ST18: variants seen among roughly 807,000 people sequenced by gnomAD.
The protein encoded by ST18 is suppression of tumorigenicity 18 protein.
ST18 carries 50 observed loss-of-function variants against 110.0 expected under a neutral mutation model. The ratio of observed to expected loss-of-function variants is 0.45; its 90% CI spans 0.36 to 0.58. ST18 has a LOEUF of 0.58. Ranked by LOEUF, ST18 falls within the 20% of genes least tolerant of loss-of-function variation. The pLI is 0.00. For synonymous variants in ST18, 461 were observed against 452.4 expected (o/e 1.02, Z -0.24); for missense variants, 1,306 against 1,280.1 (o/e 1.02, Z -0.31).
At chr8:52,115,677 T>G (rs2042270105) in intron 25 of ST18, among the ~76,000 whole-genome samples, 1 of 152,166 alleles carries the variant, frequency 6.6e-6, no homozygotes, top group Non-Finnish European at 1.5e-5. Context: ...AACATCAAAA[T>G]TGCCTAAGGA....
intron 8 of ST18, among the ~76,000 whole-genome samples, chr8:52,200,385 T>G (rs531486468): frequency 6.6e-6 from 1 of 152,320 alleles, no homozygotes; most frequent in Admixed American, 6.5e-5. Context: ...CAAGTGAGCA[T>G]GTGAGACTCG....
chr8:52,151,663 A>T (rs1485711412), intron 15 of ST18, among the ~76,000 whole-genome samples: 1 of 152,226 alleles, frequency 6.6e-6, no homozygotes, highest in African/African-American at 2.4e-5. Context: ...GCATCAAAAC[A>T]ATTTTTGGCT....
chr8:52,275,113 C>T lies in ST18; in HGVS notation c.-464-45036G>A, dbSNP rs145549131. On this transcript the variant is annotated intron_variant, in intron 2 of 25. Transcript: ENST00000689386. ...ATACACCAAAAGCAAAAGCCCTAGA[C>T]ATTCACCAATATCAATTTTAAATTT... Among the ~76,000 whole-genome samples, 846 of 152,256 alleles carry T rather than the reference C, an allele frequency of 5.6e-3. 11 individuals are homozygous for T. Among genetic ancestry groups the T allele is most frequent in the African/African-American group, 0.02 (812 of 41,570 alleles).
intron 8 of ST18, among the ~76,000 whole-genome samples, chr8:52,202,775 G>A (rs1253984937): frequency 6.6e-6 from 1 of 152,198 alleles, no homozygotes; most frequent in Non-Finnish European, 1.5e-5. Flanking sequence ...TTTATATCAT[G>A]AAAAATCAGA....
intron 2 of ST18, among the ~76,000 whole-genome samples, chr8:52,310,075 T>C (rs2095878893): frequency 6.6e-6 from 1 of 152,222 alleles, no homozygotes; most frequent in Admixed American, 6.5e-5. Context: ...TTAATCCATA[T>C]ATATTTTCAA....
chr8:52,289,023 C>G (rs1426992123), intron 2 of ST18, among the ~76,000 whole-genome samples: 1 of 152,162 alleles, frequency 6.6e-6, no homozygotes, highest in Non-Finnish European at 1.5e-5. Flanking sequence ...TTCAGGAACT[C>G]TCCATCTGCA....
At chr8:52,243,656 C>CATTAAATTATATA (rs2093620877) in intron 2 of ST18, among the ~76,000 whole-genome samples, 1 of 152,118 alleles carries the variant, frequency 6.6e-6, no homozygotes, top group African/African-American at 2.4e-5. Context: ...TTATATAATG[C>CATTAAATTATATA]ATGTAAAGAA....
At chr8:52,367,271 A>ACACACACACAC (rs760192022) in intron 2 of ST18, among the ~76,000 whole-genome samples, 7 of 9,854 alleles carry the variant, frequency 7.1e-4, no homozygotes, top group South Asian at 3.8e-3. Context: ...CACACACACA[A>ACACACACACAC]AGATTTTACC....
Position 52,384,946 on chromosome 8 carries a change from G to T in ST18, c.-465+24382C>A, listed in dbSNP as rs190776832. Among the ~76,000 whole-genome samples the T allele has an allele frequency of 4.6e-5, 7 of 152,230 alleles. No individual in the cohort carries two copies. The East Asian group carries it at 9.7e-4, about 21-fold the overall frequency. ...CTGTTGGAGGATATGAAAGAAATCG[G>T]CAGCACTTACAGTCAGTTAATTCAT... On this transcript the variant is annotated intron_variant, in intron 2 of 25. Coordinates refer to ENST00000689386, the MANE Select transcript of ST18 (RefSeq NM_001352837.2).
At chr8:52,398,194 G>A (rs575716051) in intron 2 of ST18, among the ~76,000 whole-genome samples, 1 of 152,096 alleles carries the variant, frequency 6.6e-6, no homozygotes, top group Non-Finnish European at 1.5e-5. Context: ...ATTGAAATGG[G>A]ATCATTTTCT....
At chr8:52,236,288 T>G (rs2092660622) in intron 2 of ST18, among the ~76,000 whole-genome samples, 1 of 152,168 alleles carries the variant, frequency 6.6e-6, no homozygotes, top group Admixed American at 6.5e-5. Context: ...CAAACTTAAG[T>G]CACTCTTTCA....
intron 15 of ST18, among the ~76,000 whole-genome samples, chr8:52,158,170 T>C (rs2060488683): frequency 6.6e-6 from 1 of 152,220 alleles, no homozygotes; most frequent in African/African-American, 2.4e-5. Context: ...GAAGGATCTT[T>C]GTTTTTTGGT....
At chr8:52,348,005 A>G (rs1418851924) in intron 2 of ST18, among the ~76,000 whole-genome samples, 1 of 152,186 alleles carries the variant, frequency 6.6e-6, no homozygotes, top group Non-Finnish European at 1.5e-5. Context: ...CATTTTACAG[A>G]TGAAGAAACT....
At chr8:52,237,809 A>G (rs10504138) in intron 2 of ST18, among the ~76,000 whole-genome samples, 17,682 of 152,314 alleles carry the variant, frequency 0.12, 1,384 homozygotes, top group Middle Eastern at 0.21. Flanking sequence ...ACCATATGCC[A>G]TAGTGTAAAC....
chr8:52,124,677 G>C (rs1318352216), intron 23 of ST18, among the ~76,000 whole-genome samples: 1 of 152,144 alleles, frequency 6.6e-6, no homozygotes, highest in African/African-American at 2.4e-5. Context: ...CTTTTACTGA[G>C]CATGTGAATG....
chr8:52,211,377 AATTATT>A (rs3054637), intron 8 of ST18, among the ~76,000 whole-genome samples: 1,495 of 138,434 alleles, frequency 0.011, 16 homozygotes, highest in African/African-American at 0.018. Context: ...GGAATCATCT[AATTATT>A]ATTATTATTA....
intron 2 of ST18, among the ~76,000 whole-genome samples, chr8:52,358,047 TG>T (rs1191254831): frequency 6.6e-6 from 1 of 151,820 alleles, no homozygotes; most frequent in East Asian, 1.9e-4. Flanking sequence ...AATAACAGAA[TG>T]AAAACTGAAA....
chr8:52,116,177 G>T (rs2042463538), intron 25 of ST18, 98 bp downstream of exon 25: 3 of 1,401,728 alleles, frequency 2.1e-6, no homozygotes, highest in Admixed American at 2.1e-5. Flanking sequence ...CTGCTCACAG[G>T]TCTCCTCAAA....
chr8:52,163,672 G>T (rs1001977687), intron 13 of ST18, among the ~76,000 whole-genome samples: 2 of 152,114 alleles, frequency 1.3e-5, no homozygotes, highest in Admixed American at 6.5e-5. Flanking sequence ...TGACTTGTGG[G>T]TATACTTAGT....
Sources: gnomAD v4.1 joint callset for allele counts (sites outside exome capture counted in the v4.1 genomes callset) on GRCh38, gnomAD v4.1.1 for gene constraint, MANE v1.5 for transcripts, NCBI Gene and HGNC (gene_info 2026-07-23, HGNC 2026-07-21) for gene names.